The following SYT1 variants were observed in gnomAD, a reference collection of about 807,000 sequenced individuals.
SYT1 encodes synaptotagmin 1, also known as synaptotagmin-1.
SYT1 carries 8 observed loss-of-function variants against 44.8 expected under a neutral mutation model. The ratio of observed to expected loss-of-function variants is 0.18; its 90% CI spans 0.10 to 0.32. SYT1 has a LOEUF of 0.32. Ranked by LOEUF, SYT1 falls within the 10% of genes least tolerant of loss-of-function variation. The probability of loss-of-function intolerance (pLI) is 1.00; values close to 1 mark genes in which losing one functional copy is unlikely to be tolerated. For synonymous variants in SYT1, 154 were observed against 188.8 expected (o/e 0.82, Z 1.51); for missense variants, 286 against 509.3 (o/e 0.56, Z 4.22).
At chr12:79,036,560 T>A (rs1873148011) in intron 2 of SYT1, 1 of 151,790 alleles carries the variant, frequency 6.6e-6, no homozygotes, top group Non-Finnish European at 1.5e-5. Context: ...AGGAAGTGTG[T>A]AGAGTCACTC....
At chr12:79,340,462 C>T (rs1023863611) in intron 8 of SYT1, among the ~76,000 whole-genome samples, 6 of 152,086 alleles carry the variant, frequency 3.9e-5, no homozygotes, top group Admixed American at 1.3e-4. Context: ...CATGATTTGG[C>T]TCTCTGTTTG....
chr12:79,007,728 G>A (rs1365041235), intron 2 of SYT1, among the ~76,000 whole-genome samples: 1 of 152,114 alleles, frequency 6.6e-6, no homozygotes, highest in Admixed American at 6.6e-5. Context: ...AAAAGGCTTT[G>A]GGAGCAGAAG....
chr12:79,341,700 G>A (rs1169638037), intron 8 of SYT1, among the ~76,000 whole-genome samples: 1 of 112,562 alleles, frequency 8.9e-6, no homozygotes, highest in East Asian at 2.8e-4. Context: ...ACAGAGTCTC[G>A]CTCTGTTGCC....
At chr12:79,409,079 T>C (rs1868329635) in intron 9 of SYT1, among the ~76,000 whole-genome samples, 1 of 152,160 alleles carries the variant, frequency 6.6e-6, no homozygotes, top group African/African-American at 2.4e-5. Flanking sequence ...CACAATGGTC[T>C]GTTTAATCCA....
intron 4 of SYT1, among the ~76,000 whole-genome samples, chr12:79,240,289 T>A (rs1007064958): frequency 5.3e-5 from 8 of 152,232 alleles, no homozygotes; most frequent in Non-Finnish European, 1.0e-4. Flanking sequence ...CACTACTCTA[T>A]TTTTTACAAA....
chr12:79,265,655 C>T (rs754101642), intron 4 of SYT1, among the ~76,000 whole-genome samples: 6 of 152,052 alleles, frequency 3.9e-5, no homozygotes, highest in Non-Finnish European at 2.9e-5. Flanking sequence ...ACAGAAGCTA[C>T]ATTTTAGATC....
intron 2 of SYT1, among the ~76,000 whole-genome samples, chr12:78,988,019 A>G (rs1869769901): frequency 6.6e-6 from 1 of 152,156 alleles, no homozygotes; most frequent in African/African-American, 2.4e-5. Context: ...CAAACCATTT[A>G]TTCATTCAAC....
chr12:79,013,406 G>C (rs747793724), intron 2 of SYT1, among the ~76,000 whole-genome samples: 1 of 152,158 alleles, frequency 6.6e-6, no homozygotes, highest in Non-Finnish European at 1.5e-5. Flanking sequence ...ACTGAGTCCA[G>C]TAATGGGCAC....
At chr12:79,074,638 A>G (rs1446994367) in intron 3 of SYT1, among the ~76,000 whole-genome samples, 2 of 152,182 alleles carry the variant, frequency 1.3e-5, no homozygotes, top group Non-Finnish European at 1.5e-5. Flanking sequence ...ATGAACTGCG[A>G]CATCCTATGT....
At chr12:78,894,784 G>A (rs991518739) in intron 1 of SYT1, among the ~76,000 whole-genome samples, 4 of 151,604 alleles carry the variant, frequency 2.6e-5, no homozygotes, top group African/African-American at 9.7e-5. Flanking sequence ...ATGGGGAGCT[G>A]TTGGTTAACG....
At chr12:78,968,281 T>G (rs1868296313) in intron 1 of SYT1, among the ~76,000 whole-genome samples, 1 of 152,096 alleles carries the variant, frequency 6.6e-6, no homozygotes, top group East Asian at 1.9e-4. Flanking sequence ...TATTAGGTTG[T>G]TTTTGATCTC....
chr12:79,144,225 T>G (rs922746425), intron 3 of SYT1, among the ~76,000 whole-genome samples: 1 of 152,224 alleles, frequency 6.6e-6, no homozygotes, highest in Non-Finnish European at 1.5e-5. Context: ...GACTTATTTC[T>G]CCTGAATCTC....
intron 3 of SYT1, among the ~76,000 whole-genome samples, chr12:79,052,859 A>T (rs1874617929): frequency 6.6e-6 from 1 of 152,140 alleles, no homozygotes; most frequent in South Asian, 2.1e-4. Context: ...AGGAAACAAC[A>T]GGTGCTGGAG....
chr12:79,013,103 C>G (rs1871527760), intron 2 of SYT1, among the ~76,000 whole-genome samples: 1 of 151,996 alleles, frequency 6.6e-6, no homozygotes, highest in Admixed American at 6.6e-5. Flanking sequence ...CCTTGATTCC[C>G]CATCAAGGTC....
chr12:79,003,041 A>C (rs1214771039), intron 2 of SYT1, among the ~76,000 whole-genome samples: 2 of 152,040 alleles, frequency 1.3e-5, no homozygotes, highest in East Asian at 3.9e-4. Context: ...ACAATACTGC[A>C]AAATCATTTA....
chr12:79,011,087 A>G (rs1296284582), intron 2 of SYT1, among the ~76,000 whole-genome samples: 1 of 152,232 alleles, frequency 6.6e-6, no homozygotes, highest in African/African-American at 2.4e-5. Flanking sequence ...AATAATGGCT[A>G]AAAGGTTGCA....
At position 78,882,540 on chromosome 12, in the gene SYT1, G is replaced by T. The variant is rs550490871; in HGVS notation, c.-217+17431G>T. ...CATATTATAGTAGTATGAATAATTTGCTTTCCAAAATTCCTCCAGAACTGC... is the reference window on the plus strand; with the variant it reads ...CATATTATAGTAGTATGAATAATTTTCTTTCCAAAATTCCTCCAGAACTGC... On this transcript the variant is annotated intron_variant, in intron 1 of 10. Transcript: ENST00000261205. Among the ~76,000 whole-genome samples, 13 of 151,802 alleles carry T rather than the reference G, an allele frequency of 8.6e-5. No homozygotes were observed. In the South Asian group the frequency reaches 2.1e-3, roughly 24 times the overall value.
intron 3 of SYT1, among the ~76,000 whole-genome samples, chr12:79,077,838 A>G (rs1007087629): frequency 6.6e-6 from 1 of 152,140 alleles, no homozygotes; most frequent in African/African-American, 2.4e-5. Context: ...TGCTGGCCCT[A>G]TTAGAAATAC....
chr12:79,070,066 T>C (rs1382893924), intron 3 of SYT1, among the ~76,000 whole-genome samples: 2 of 152,134 alleles, frequency 1.3e-5, no homozygotes, highest in Non-Finnish European at 2.9e-5. Flanking sequence ...CATAGGTAAA[T>C]AATAATGCTT....
Sources: allele counts gnomAD v4.1 joint callset (sites outside exome capture counted in the v4.1 genomes callset), GRCh38; gene constraint gnomAD v4.1.1; transcripts MANE v1.5; gene names NCBI Gene and HGNC (gene_info 2026-07-23, HGNC 2026-07-21).